The following DLC1 variants were observed in gnomAD, a reference collection of about 807,000 sequenced individuals.
DLC1 encodes the protein rho GTPase-activating protein 7.
DLC1 carries 54 observed loss-of-function variants against 140.3 expected under a neutral mutation model. The ratio of observed to expected loss-of-function variants is 0.38; its 90% CI spans 0.31 to 0.48. The LOEUF is 0.48. DLC1 is among the 20% of genes least tolerant of loss of function. The probability of loss-of-function intolerance (pLI) is 0.96; values close to 1 mark genes in which losing one functional copy is unlikely to be tolerated. For missense variants in DLC1, 2,536 were observed against 1,907.0 expected, an observed-to-expected ratio of 1.33 and a Z score of -6.14; for synonymous variants, 986 against 728.1, an observed-to-expected ratio of 1.35 and a Z score of -5.70.
chr8:13,538,111 C>G (rs1375507215), intron 1 of DLC1, among the ~76,000 whole-genome samples: 1 of 152,096 alleles, frequency 6.6e-6, no homozygotes, highest in Non-Finnish European at 1.5e-5. Context: ...ACAGCATTAT[C>G]TCATTTAATT....
At chr8:13,200,262 C>G (rs1435880432) in intron 5 of DLC1, among the ~76,000 whole-genome samples, 3 of 151,818 alleles carry the variant, frequency 2.0e-5, no homozygotes, top group Non-Finnish European at 4.4e-5. Context: ...CGGGGTTTCA[C>G]TATGTTGGCC....
intron 1 of DLC1, among the ~76,000 whole-genome samples, chr8:13,503,307 G>A (rs895708244): frequency 2.0e-5 from 3 of 152,130 alleles, no homozygotes; most frequent in African/African-American, 7.2e-5. Flanking sequence ...GGGAGGCTGA[G>A]GTGGGAGGAT....
intron 2 of DLC1, among the ~76,000 whole-genome samples, chr8:13,477,200 C>G (rs112566481): frequency 1.1e-5 from 1 of 93,230 alleles, no homozygotes; most frequent in African/African-American, 3.5e-5. Context: ...GGTTTATTCT[C>G]AAACAAGATG....
At chr8:13,420,828 A>G (rs958274690) in intron 2 of DLC1, among the ~76,000 whole-genome samples, 4 of 152,122 alleles carry the variant, frequency 2.6e-5, no homozygotes, top group Non-Finnish European at 5.9e-5. Context: ...CATATAATAA[A>G]TGGAGTGGCA....
intron 2 of DLC1, among the ~76,000 whole-genome samples, chr8:13,450,993 C>T (rs1466473402): frequency 4.3e-5 from 5 of 116,744 alleles, no homozygotes; most frequent in African/African-American, 1.7e-4. Context: ...GAGCCAAGAT[C>T]GTGTCACTGC....
chr8:13,181,800 T>A (rs1187856511), intron 5 of DLC1, among the ~76,000 whole-genome samples: 1 of 152,174 alleles, frequency 6.6e-6, no homozygotes, highest in Non-Finnish European at 1.5e-5. Flanking sequence ...TAAACATACA[T>A]GTACATGTGT....
chr8:13,203,116 C>G (rs1242088792), intron 5 of DLC1, among the ~76,000 whole-genome samples: 2 of 152,180 alleles, frequency 1.3e-5, no homozygotes, highest in East Asian at 3.9e-4. Context: ...CACACTTTAC[C>G]TATCTTTGTC....
chr8:13,318,980 T>C (rs939107706), intron 4 of DLC1, among the ~76,000 whole-genome samples: 2 of 152,164 alleles, frequency 1.3e-5, no homozygotes, highest in African/African-American at 4.8e-5. Flanking sequence ...AGAAACACAA[T>C]TGAGTGAGGT....
intron 1 of DLC1, among the ~76,000 whole-genome samples, chr8:13,526,386 C>T (rs914731461): frequency 8.5e-5 from 13 of 152,056 alleles, no homozygotes; most frequent in African/African-American, 3.1e-4. Context: ...TTATTTGGAT[C>T]AATTGCAGGA....
chr8:13,299,875 C>T lies in DLC1; in HGVS notation c.1348+5394G>A, dbSNP rs141239575. On this transcript the variant is annotated intron_variant, in intron 5 of 17. Coordinates refer to ENST00000276297, the MANE Select transcript of DLC1 (RefSeq NM_182643.3). ...CCAGAAGCTGGAGAAGACACAGTGG[C>T]GATTCCTCAGAGATTTTGAACCAGA... 1.1e-3 allele frequency among the ~76,000 whole-genome samples: 164 copies of T among 152,188 alleles called. 1 individual carries two copies. The highest frequency in any genetic ancestry group is 0.01 in the Middle Eastern group (3 of 294).
At chr8:13,478,749 T>C (rs1800551226) in intron 2 of DLC1, among the ~76,000 whole-genome samples, 1 of 152,206 alleles carries the variant, frequency 6.6e-6, no homozygotes, top group Non-Finnish European at 1.5e-5. Flanking sequence ...AATACAATTA[T>C]TTTAAAAAAA....
At chr8:13,390,830 A>G (rs1836722719) in intron 4 of DLC1, among the ~76,000 whole-genome samples, 1 of 152,094 alleles carries the variant, frequency 6.6e-6, no homozygotes, top group Non-Finnish European at 1.5e-5. Flanking sequence ...TACTAAAAAT[A>G]CAAAAAAATT....
At chr8:13,104,575 C>T (rs770546948) in intron 7 of DLC1, among the ~76,000 whole-genome samples, 20 of 152,260 alleles carry the variant, frequency 1.3e-4, no homozygotes, top group African/African-American at 2.6e-4. Flanking sequence ...GTTTTTCCTA[C>T]GAATTGCAAT....
At chr8:13,520,345 C>G (rs537760237) in intron 1 of DLC1, among the ~76,000 whole-genome samples, 1 of 152,212 alleles carries the variant, frequency 6.6e-6, no homozygotes, top group South Asian at 2.1e-4. Flanking sequence ...AAGCTGGAAA[C>G]CATCATTCTC....
At chr8:13,176,534 G>A (rs776477614) in intron 5 of DLC1, among the ~76,000 whole-genome samples, 8 of 152,114 alleles carry the variant, frequency 5.3e-5, no homozygotes, top group Non-Finnish European at 1.2e-4. Flanking sequence ...AGCCAAGATT[G>A]TGCCACTGCA....
At chr8:13,394,569 C>T (rs993156458) in intron 3 of DLC1, among the ~76,000 whole-genome samples, 2 of 152,058 alleles carry the variant, frequency 1.3e-5, no homozygotes, top group Non-Finnish European at 2.9e-5. Flanking sequence ...GGGGAAATTG[C>T]AGAGGGGATG....
chr8:13,363,498 G>A (rs184133381), intron 4 of DLC1, among the ~76,000 whole-genome samples: 4 of 152,124 alleles, frequency 2.6e-5, no homozygotes, highest in African/African-American at 9.6e-5. Flanking sequence ...GACAGAAGTG[G>A]AAACTGAACC....
intron 2 of DLC1, among the ~76,000 whole-genome samples, chr8:13,432,003 TC>T (rs1838901092): frequency 6.6e-6 from 1 of 152,246 alleles, no homozygotes; most frequent in Admixed American, 6.5e-5. Flanking sequence ...TTGTTTATAT[TC>T]ATGCCAGTGG....
intron 1 of DLC1, among the ~76,000 whole-genome samples, chr8:13,551,946 T>C: frequency 6.9e-6 from 1 of 143,924 alleles, no homozygotes; most frequent in Admixed American, 7.1e-5. Flanking sequence ...TATATATATG[T>C]ACCTCTAGAC....
Sources: gnomAD v4.1 joint callset for allele counts (sites outside exome capture counted in the v4.1 genomes callset) on GRCh38, gnomAD v4.1.1 for gene constraint, MANE v1.5 for transcripts, NCBI Gene and HGNC (gene_info 2026-07-23, HGNC 2026-07-21) for gene names.